Variants in CNTN5 observed in about 807,000 individuals in gnomAD.
CNTN5 encodes contactin 5, also known as contactin-5.
CNTN5 carries 77 observed loss-of-function variants against 129.1 expected under a neutral mutation model. The ratio of observed to expected loss-of-function variants is 0.60; its 90% CI spans 0.50 to 0.72. The LOEUF is 0.72. CNTN5 is among the 30% of genes least tolerant of loss of function. The pLI, the probability that CNTN5 is intolerant of heterozygous loss-of-function variation, is 0.00. For missense variants in CNTN5, 1,478 were observed against 1,328.8 expected (o/e 1.11, Z -1.75); for synonymous variants, 509 against 465.6 (o/e 1.09, Z -1.20).
chr11:99,562,145 CAT>C (rs1168900186), intron 3 of CNTN5, among the ~76,000 whole-genome samples: 1 of 152,138 alleles, frequency 6.6e-6, no homozygotes, highest in African/African-American at 2.4e-5. Context: ...ACTAGAGACT[CAT>C]AATCAATAAA....
At chr11:99,704,724 C>T (rs1954678609) in intron 3 of CNTN5, among the ~76,000 whole-genome samples, 1 of 151,140 alleles carries the variant, frequency 6.6e-6, no homozygotes, top group East Asian at 1.9e-4. Flanking sequence ...TAGGTATACA[C>T]TACTCTCTAG....
At chr11:100,095,222 TGA>T (rs1431267488) in intron 13 of CNTN5, among the ~76,000 whole-genome samples, 2 of 152,142 alleles carry the variant, frequency 1.3e-5, no homozygotes, top group Non-Finnish European at 2.9e-5. Flanking sequence ...TCATTTACAC[TGA>T]GTTTCCAAGA....
intron 3 of CNTN5, among the ~76,000 whole-genome samples, chr11:99,792,922 C>G (rs1030152011): frequency 6.6e-6 from 1 of 152,072 alleles, no homozygotes; most frequent in East Asian, 1.9e-4. Context: ...TGCAGGTGTT[C>G]ATAGTAGTCT....
At chr11:100,261,844 C>T (rs1234444939) in intron 17 of CNTN5, among the ~76,000 whole-genome samples, 1 of 152,066 alleles carries the variant, frequency 6.6e-6, no homozygotes, top group East Asian at 1.9e-4. Flanking sequence ...CCATAAAAAC[C>T]CTGGAAGAAA....
rs186624883 is a variant in CNTN5, at chr11:99,887,930, G to A, written c.578-28124G>A. Among the ~76,000 whole-genome samples the A allele has an allele frequency of 8.9e-4, 135 of 152,146 alleles. 2 individuals carry two copies. The highest frequency in any genetic ancestry group is 3.0e-3 in the African/African-American group (126 of 41,532). On this transcript the variant is annotated intron_variant, in intron 6 of 24. Transcript: ENST00000524871. ...CTCACTCAAATGTTAATCTCCTTTG[G>A]CAACACCCTCACAGACACACCCAGG...
chr11:99,290,631 T>A (rs1423952801), intron 1 of CNTN5, among the ~76,000 whole-genome samples: 1 of 151,888 alleles, frequency 6.6e-6, no homozygotes, highest in Non-Finnish European at 1.5e-5. Context: ...ACTGGCAATT[T>A]ATTTTATGTA....
At chr11:99,905,141 T>G (rs1157373268) in intron 6 of CNTN5, among the ~76,000 whole-genome samples, 1 of 152,222 alleles carries the variant, frequency 6.6e-6, no homozygotes, top group East Asian at 1.9e-4. Context: ...CTCTTTAGTT[T>G]AATTAGATCT....
chr11:100,173,644 T>C (rs898258407), intron 13 of CNTN5, among the ~76,000 whole-genome samples: 2 of 151,958 alleles, frequency 1.3e-5, no homozygotes, highest in African/African-American at 4.8e-5. Context: ...TTGAAAGAAG[T>C]TTAGAAAAGA....
At chr11:99,400,759 G>A (rs1941763955) in intron 2 of CNTN5, among the ~76,000 whole-genome samples, 1 of 152,022 alleles carries the variant, frequency 6.6e-6, no homozygotes, top group Non-Finnish European at 1.5e-5. Flanking sequence ...CTGTCTTTTG[G>A]ATATAAGCCA....
intron 17 of CNTN5, among the ~76,000 whole-genome samples, chr11:100,263,482 G>T (rs957535816): frequency 6.6e-6 from 1 of 152,012 alleles, no homozygotes; most frequent in Non-Finnish European, 1.5e-5. Context: ...TGCATTGTTA[G>T]ACCTCAGTTT....
At chr11:100,167,314 TA>T (rs1304151532) in intron 13 of CNTN5, among the ~76,000 whole-genome samples, 1 of 151,866 alleles carries the variant, frequency 6.6e-6, no homozygotes, top group East Asian at 1.9e-4. Flanking sequence ...AAACATTATT[TA>T]AGCTTAATTT....
chr11:99,457,131 A>G (rs1486720079), intron 2 of CNTN5, among the ~76,000 whole-genome samples: 1 of 151,998 alleles, frequency 6.6e-6, no homozygotes, highest in Admixed American at 6.6e-5. Context: ...AGGTGTATAT[A>G]AATATATATT....
At chr11:100,210,072 A>G (rs541756170) in intron 15 of CNTN5, among the ~76,000 whole-genome samples, 8 of 152,092 alleles carry the variant, frequency 5.3e-5, no homozygotes, top group Admixed American at 2.0e-4. Context: ...CACATGGTTC[A>G]AGCCTGAAAT....
chr11:99,819,598 T>C lies in CNTN5; in HGVS notation c.110T>C (p.Ile37Thr). 1.2e-6 allele frequency: 2 copies of C among 1,612,962 alleles called. No individual in the cohort carries two copies. The highest frequency in any genetic ancestry group is 3.3e-5 in the Admixed American group (2 of 60,034). ...ACTTCATATGCTGCTTTGTTAAGAA[T>C]TAAGAAGAGTTCATCTTCATCTCTC... ...LSTSYAALLR[I>T]KKSSSSSLFG... The change falls in exon 4 of 25, where the codon ATT (isoleucine) becomes ACT (threonine). Residue 37 changes from isoleucine (I) to threonine (T), a missense_variant. Transcript: ENST00000524871.
chr11:99,256,810 A>C (rs945815525), intron 1 of CNTN5, among the ~76,000 whole-genome samples: 1 of 152,060 alleles, frequency 6.6e-6, no homozygotes, highest in Non-Finnish European at 1.5e-5. Context: ...ATTACGCAAT[A>C]CCTTCTATGT....
intron 1 of CNTN5, among the ~76,000 whole-genome samples, chr11:99,290,591 G>A (rs1244441719): frequency 1.3e-5 from 2 of 151,836 alleles, no homozygotes; most frequent in Admixed American, 1.3e-4. Flanking sequence ...TGAAGATCAG[G>A]TAGGGAAGAA....
intron 2 of CNTN5, among the ~76,000 whole-genome samples, chr11:99,392,026 G>T (rs1941287224): frequency 6.6e-6 from 1 of 151,730 alleles, no homozygotes; most frequent in Non-Finnish European, 1.5e-5. Context: ...TTTATTATTT[G>T]TTTTGTAACA....
chr11:99,735,426 C>A (rs1250711897), intron 3 of CNTN5, among the ~76,000 whole-genome samples: 2 of 152,142 alleles, frequency 1.3e-5, no homozygotes, highest in Non-Finnish European at 2.9e-5. Context: ...TAGACTATTT[C>A]ACCAATTTTG....
intron 13 of CNTN5, among the ~76,000 whole-genome samples, chr11:100,128,657 G>A (rs1946276569): frequency 6.6e-6 from 1 of 152,032 alleles, no homozygotes; most frequent in South Asian, 2.1e-4. Context: ...AACATTCTTG[G>A]CTCAGAAAAT....
Sources: allele counts gnomAD v4.1 joint callset (sites outside exome capture counted in the v4.1 genomes callset), GRCh38; gene constraint gnomAD v4.1.1; transcripts MANE v1.5; gene names NCBI Gene and HGNC (gene_info 2026-07-23, HGNC 2026-07-21).